The following REPS1 variants were observed in gnomAD, a reference collection of about 807,000 sequenced individuals.
REPS1 encodes ralBP1-associated Eps domain-containing protein 1.
REPS1 carries 39 observed loss-of-function variants against 100.9 expected under a neutral mutation model. That is an observed-to-expected ratio of 0.39 (90% CI 0.30 to 0.50). REPS1 has a LOEUF of 0.50. REPS1 is among the 20% of genes least tolerant of loss of function. The pLI, the probability that REPS1 is intolerant of heterozygous loss-of-function variation, is 0.86. For missense variants in REPS1, 821 were observed against 968.5 expected (o/e 0.85, Z 2.02); for synonymous variants, 324 against 340.3 (o/e 0.95, Z 0.53).
chr6:138,987,226 C>T (rs1785315316), intron 1 of REPS1, among the ~76,000 whole-genome samples: 1 of 152,238 alleles, frequency 6.6e-6, no homozygotes, highest in Admixed American at 6.5e-5. Context: ...ACATTAACAA[C>T]CTAAGATCCT....
chr6:138,913,261 G>C (rs1780132880), intron 15 of REPS1, among the ~76,000 whole-genome samples: 2 of 151,988 alleles, frequency 1.3e-5, no homozygotes, highest in Admixed American at 1.3e-4. Context: ...TTCTCCACTT[G>C]CATGTGTTTT....
chr6:138,955,305 C>T (rs1783303259), intron 1 of REPS1, among the ~76,000 whole-genome samples: 1 of 151,780 alleles, frequency 6.6e-6, no homozygotes, highest in African/African-American at 2.4e-5. Flanking sequence ...TACATATAAG[C>T]AGGGTGTGAT....
intron 1 of REPS1, 41 bp from the exon 2 acceptor site, chr6:138,947,954 A>C (rs565712257): frequency 1.3e-6 from 2 of 1,521,670 alleles, no homozygotes; most frequent in South Asian, 2.7e-5. Flanking sequence ...TTCACAACAA[A>C]AATCTCCCTT....
intron 1 of REPS1, among the ~76,000 whole-genome samples, chr6:138,984,078 C>CTTTTTTTTTTTTTTTTTT (rs748774209): frequency 7.4e-6 from 1 of 134,448 alleles, no homozygotes; most frequent in Non-Finnish European, 1.6e-5. Context: ...CTCTCTCTCT[C>CTTTTTTTTTTTTTTTTTT]TTTTTTTTTT....
rs557275994 is a variant in REPS1 at position 138,912,681 on chromosome 6, C to T, written c.1971+84G>A. 106 of 1,260,550 alleles carry T rather than the reference C, an allele frequency of 8.4e-5. 2 individuals carry two copies. In the South Asian group the frequency reaches 1.2e-3, roughly 15 times the overall value. The allele number at this position is 1,260,550 out of a possible 1,614,324, so 78.1% of individuals were successfully genotyped here. On this transcript the variant is annotated intron_variant, in intron 16 of 19. Transcript: ENST00000450536. ...CAGGGAATATTTTACTCACTGATGT[C>T]CCCTCTAATATCTGCTCTGTTGACA... is the stretch of plus-strand genomic sequence containing the variant.
intron 13 of REPS1, among the ~76,000 whole-genome samples, chr6:138,916,756 A>C (rs1369464082): frequency 6.6e-6 from 1 of 152,192 alleles, no homozygotes; most frequent in East Asian, 1.9e-4. Flanking sequence ...GCTCAAACTC[A>C]ACTCGCCCTA....
At chr6:138,915,380 C>T (rs1016545630) in intron 14 of REPS1, among the ~76,000 whole-genome samples, 8 of 146,708 alleles carry the variant, frequency 5.5e-5, no homozygotes, top group Non-Finnish European at 1.2e-4. Flanking sequence ...CTCAAACACA[C>T]TTTAAGTAGT....
intron 17 of REPS1, among the ~76,000 whole-genome samples, chr6:138,910,126 G>C (rs915507660): frequency 6.6e-6 from 1 of 152,164 alleles, no homozygotes. Flanking sequence ...GATCCCTTGT[G>C]AATGGCTTGG....
rs893514021 is a variant in REPS1, at chr6:138,915,851, C to G, written c.1720+7G>C. The stretch of plus-strand genomic sequence containing the variant: ...GATAATGTATATTATGGTTCTCTAG[C>G]CCCTACCTGTGGTGACTGTAAAGGT... On this transcript the variant is annotated splice_region_variant and intron_variant, in intron 14 of 19. Coordinates refer to ENST00000450536, the MANE Select transcript of REPS1 (RefSeq NM_001286611.2). 6.4e-7 allele frequency: 1 copy of G among 1,552,444 alleles called. No individual in the cohort carries two copies. The highest frequency in any genetic ancestry group is 1.4e-5 in the African/African-American group (1 of 73,448).
chr6:138,965,438 A>G (rs778426326), intron 1 of REPS1, among the ~76,000 whole-genome samples: 1 of 152,198 alleles, frequency 6.6e-6, no homozygotes, highest in African/African-American at 2.4e-5. Context: ...TAGTTTGAAA[A>G]ATACTACAAC....
intron 1 of REPS1, among the ~76,000 whole-genome samples, chr6:138,979,190 A>AAC (rs907118097): frequency 1.3e-5 from 2 of 148,642 alleles, no homozygotes; most frequent in Non-Finnish European, 3.0e-5. Context: ...CAAAAAAAAA[A>AAC]AAAAAAACAA....
At chr6:138,909,585 A>G (rs771052391) in intron 17 of REPS1, among the ~76,000 whole-genome samples, 5 of 152,164 alleles carry the variant, frequency 3.3e-5, no homozygotes, top group Non-Finnish European at 7.4e-5. Context: ...CCATGTGTCA[A>G]GCGAGGGGCC....
In REPS1 at chr6:138,905,118, C is replaced by G. The variant is rs1003017881; in HGVS notation, c.2337G>C (p.Glu779Asp). ...LQQQLKDVLEERISLEVQLEQ... is the reference protein window; with the variant it reads ...LQQQLKDVLEDRISLEVQLEQ... ...CCAGTTGAACTTCCAGGGAAATTCTCTCCTCAAGAACATCCTGAAAAAGAT... is the reference window on the plus strand; with the variant it reads ...CCAGTTGAACTTCCAGGGAAATTCTGTCCTCAAGAACATCCTGAAAAAGAT... The change falls in exon 20 of 20, where the codon GAG (glutamate) becomes GAC (aspartate). Residue 779 changes from glutamate (E) to aspartate (D), a missense_variant. This residue lies in a region of REPS1 where 757 missense variants were observed against 866.4 expected (regional missense o/e 0.87). Transcript: ENST00000450536. 6.8e-6 allele frequency: 11 copies of G among 1,612,558 alleles called. No individual in the cohort carries two copies. The highest frequency in any genetic ancestry group is 9.3e-6 in the Non-Finnish European group (11 of 1,178,676).
At chr6:138,907,712 T>C in intron 18 of REPS1, 112 bp from the exon 19 acceptor site, 3 of 685,062 alleles carry the variant, frequency 4.4e-6, no homozygotes, top group Non-Finnish European at 7.6e-6. Context: ...AGCATCTTTT[T>C]CCTTACTAGC....
chr6:138,945,719 T>C, intron 2 of REPS1, 22 bp from the exon 3 acceptor site: 1 of 1,497,272 alleles, frequency 6.7e-7, no homozygotes, highest in African/African-American at 1.4e-5. Flanking sequence ...AAAATAATCA[T>C]TACTTCAAAA....
chr6:138,986,134 G>A (rs1785245371), intron 1 of REPS1, among the ~76,000 whole-genome samples: 1 of 152,144 alleles, frequency 6.6e-6, no homozygotes, highest in Non-Finnish European at 1.5e-5. Context: ...AGCTAAGAAT[G>A]GCTTTACATT....
intron 12 of REPS1, 75 bp downstream of exon 12, chr6:138,920,139 CA>C (rs1780654881): frequency 2.5e-6 from 2 of 789,788 alleles, no homozygotes; most frequent in Non-Finnish European, 4.5e-6. Flanking sequence ...GTATTAAATG[CA>C]TACACATCTG....
chr6:138,949,798 C>T (rs1782890965), intron 1 of REPS1, among the ~76,000 whole-genome samples: 1 of 151,898 alleles, frequency 6.6e-6, no homozygotes, highest in African/African-American at 2.4e-5. Context: ...TTCATTTATT[C>T]AATGACTATT....
intron 1 of REPS1, among the ~76,000 whole-genome samples, chr6:138,986,955 T>C (rs952753885): frequency 6.6e-5 from 10 of 152,196 alleles, no homozygotes; most frequent in African/African-American, 1.9e-4. Context: ...TCTCATCACA[T>C]ACACACGTTC....
Sources: allele counts gnomAD v4.1 joint callset (sites outside exome capture counted in the v4.1 genomes callset), GRCh38; gene constraint gnomAD v4.1.1; regional missense constraint gnomAD v4.1.1; transcripts MANE v1.5; gene names NCBI Gene and HGNC (gene_info 2026-07-23, HGNC 2026-07-21).